Variants in AHNAK observed in about 807,000 individuals in gnomAD.
The protein encoded by AHNAK is AHNAK nucleoprotein, also known as neuroblast differentiation-associated protein AHNAK.
Under a neutral mutation model 37.8 loss-of-function variants are expected in AHNAK, and 23 were observed. That is an observed-to-expected ratio of 0.61 (90% CI 0.44 to 0.86). AHNAK has a LOEUF of 0.86. Ranked by LOEUF, AHNAK falls within the 40% of genes least tolerant of loss-of-function variation. AHNAK has a pLI of 0.00. For synonymous variants in AHNAK, 2,481 were observed against 2,636.3 expected, an observed-to-expected ratio of 0.94 and a Z score of 1.80; for missense variants, 7,411 against 7,319.4, an observed-to-expected ratio of 1.01 and a Z score of -0.46.
intron 5 of AHNAK, among the ~76,000 whole-genome samples, chr11:62,472,210 C>T (rs1358857915): frequency 6.6e-6 from 1 of 152,092 alleles, no homozygotes; most frequent in Non-Finnish European, 1.5e-5. Context: ...TGGGCCCAGC[C>T]CCGGCCTCCA....
At chr11:62,436,938 CA>C (rs35477247) in intron 5 of AHNAK, among the ~76,000 whole-genome samples, 68,417 of 144,338 alleles carry the variant, frequency 0.47, 16,341 homozygotes, top group East Asian at 0.66. Flanking sequence ...GACTCTGTCT[CA>C]AAAAAAAAAA....
Position 62,519,033 on chromosome 11 carries a change from C to T in AHNAK, c.15384G>A (p.Ala5128=), listed in dbSNP as rs754304710. The T allele has an allele frequency of 1.4e-5, 23 of 1,613,008 alleles. No homozygotes were observed. The highest frequency in any genetic ancestry group is 2.7e-5 in the African/African-American group (2 of 74,870). ...QAPDLELSLP[A]IHVEGLDIKA... ...TGATGTCAAGACCTTCGACGTGAAT[C>T]GCTGGCAAAGAAAGTTCCAGATCAG... Residue 5128 remains alanine, a synonymous_variant, in exon 5 of 5, where the codon GCG becomes GCA. Transcript: ENST00000378024.
rs193200483 is a variant in AHNAK, at chr11:62,484,257, C to T, written c.442+7475G>A. On this transcript the variant is annotated intron_variant, in intron 5 of 5. Transcript: ENST00000257247. ...ATTAGCTGGGCATGGTAGCACACAC[C>T]GGTAGGTAGTCTTAGCTACTCTGGA... Among the ~76,000 whole-genome samples the T allele has an allele frequency of 2.7e-5, 4 of 150,388 alleles. 1 individual carries two copies. Among genetic ancestry groups the T allele is most frequent in the East Asian group, 4.0e-4 (2 of 5,032 alleles).
Position 62,524,549 on chromosome 11 carries a change from T to C in AHNAK, c.9868A>G (p.Met3290Val). ...ATTTCTGGCATGGAGATCTTGGGCA[T>C]GTTTACATGCATGTCAGGCATCTTC... ...KLKMPDMHVN[M>V]PKISMPEIDL... The change falls in exon 5 of 5, where the codon ATG becomes GTG. Residue 3290 changes from methionine to valine, a missense_variant. Met to Val is a conservative substitution (Grantham distance 21). Transcript: ENST00000378024. 6.2e-7 allele frequency: 1 copy of C among 1,613,980 alleles called. No individual in the cohort carries two copies. Among genetic ancestry groups the C allele is most frequent in the Non-Finnish European group, 8.5e-7 (1 of 1,179,976 alleles).
chr11:62,491,724 T>C (rs765006496), intron 5 of AHNAK: 2 of 1,604,714 alleles, frequency 1.2e-6, no homozygotes, highest in African/African-American at 2.7e-5. Flanking sequence ...CCCCATCACT[T>C]CTCTCACCTG....
intron 5 of AHNAK, among the ~76,000 whole-genome samples, chr11:62,446,887 A>C (rs1375768145): frequency 6.6e-6 from 1 of 151,906 alleles, no homozygotes; most frequent in Non-Finnish European, 1.5e-5. Flanking sequence ...CCCCAAACTG[A>C]AAAGATCTCC....
downstream of AHNAK, among the ~76,000 whole-genome samples, chr11:62,513,457 C>G (rs571592343): frequency 3.0e-4 from 45 of 152,232 alleles, no homozygotes; most frequent in African/African-American, 1.0e-3. Context: ...ATCTCTTGAA[C>G]CCGGGAGGCG....
rs142057305 is a variant in AHNAK, at chr11:62,442,737, C to T, written c.443-8846G>A. Among the ~76,000 whole-genome samples the T allele has an allele frequency of 7.9e-4, 118 of 149,796 alleles. 2 individuals carry two copies. Among genetic ancestry groups the T allele is most frequent in the African/African-American group, 2.8e-3 (113 of 40,744 alleles). On this transcript the variant is annotated intron_variant, in intron 5 of 5. Coordinates refer to the AHNAK transcript ENST00000257247. The stretch of plus-strand genomic sequence containing the variant: ...ATACAAAATTAACCGGGTGTGGTGG[C>T]GCACACCTGTAGTCCCAGCTACTTG...
At position 62,526,512 on chromosome 11, in the gene AHNAK, G is replaced by C; in HGVS notation, c.7905C>G (p.His2635Gln). Residue 2635 changes from histidine to glutamine, a missense_variant, in exon 5 of 5, where the codon CAC (histidine) becomes CAG (glutamine). Coordinates refer to ENST00000378024, the MANE Select transcript of AHNAK (RefSeq NM_001620.3). Reference sequence around the variant, plus strand: ...GCATTTTCACCTTGGGCATCTTCAGGTGCCAGTCTGGGCCTTGAACACCCA... The same window carrying C: ...GCATTTTCACCTTGGGCATCTTCAGCTGCCAGTCTGGGCCTTGAACACCCA... ...PDVGVQGPDW[H>Q]LKMPKVKMPK... 6.2e-7 allele frequency: 1 copy of C among 1,612,798 alleles called. No homozygotes were observed. Among genetic ancestry groups the C allele is most frequent in the Non-Finnish European group, 8.5e-7 (1 of 1,179,762 alleles).
rs763110924 is a variant in AHNAK, at chr11:62,526,056, G to C, written c.8361C>G (p.Asp2787Glu). Reference protein sequence around the residue: ...PGFKGEGPDVDVNLPKADIDV... With the variant: ...PGFKGEGPDVEVNLPKADIDV... ...CAATGTCAGCCTTGGGCAGGTTCAC[G>C]TCCACATCTGGACCTTCTCCTTTGA... Residue 2787 changes from aspartate (D) to glutamate (E), a missense_variant, in exon 5 of 5, where the codon GAC (aspartate) becomes GAG (glutamate). By Grantham distance (45) the Asp-to-Glu change is conservative (BLOSUM62 2). Transcript: ENST00000378024. 7.5e-6 allele frequency: 12 copies of C among 1,599,174 alleles called. No individual in the cohort carries two copies. The highest frequency in any genetic ancestry group is 3.4e-4 in the Middle Eastern group (2 of 5,936).
rs1940116277 is a variant in AHNAK, at chr11:62,518,703, C to A, written c.15714G>T (p.Met5238Ile). 1 of 1,614,006 alleles carries A rather than the reference C, an allele frequency of 6.2e-7. No homozygotes were observed. Reference sequence around the variant, plus strand: ...TCACACCTGGGATGCCGATCTTGGGCATGGAAAACTTGGGGAACTTAATTT... The same window carrying A: ...TCACACCTGGGATGCCGATCTTGGGAATGGAAAACTTGGGGAACTTAATTT... ...EAKIKFPKFS[M>I]PKIGIPGVKM... Residue 5238 changes from methionine (M) to isoleucine (I), a missense_variant, in exon 5 of 5, where the codon ATG becomes ATT. Transcript: ENST00000378024.
intron 5 of AHNAK, among the ~76,000 whole-genome samples, chr11:62,435,150 A>G (rs1346106464): frequency 3.3e-5 from 5 of 152,094 alleles, no homozygotes; most frequent in Admixed American, 6.6e-5. Context: ...CTCTGTGACT[A>G]AATCCTACCC....
chr11:62,505,467 G>A (rs1489573178), intron 4 of AHNAK, among the ~76,000 whole-genome samples: 1 of 151,986 alleles, frequency 6.6e-6, no homozygotes, highest in Non-Finnish European at 1.5e-5. Context: ...GTTTCTGGTT[G>A]GAGCAAGGGA....
chr11:62,498,467 G>A (rs976779116), intron 4 of AHNAK, among the ~76,000 whole-genome samples: 2 of 147,344 alleles, frequency 1.4e-5, no homozygotes, highest in African/African-American at 5.0e-5. Flanking sequence ...ATTAAAAATT[G>A]AATCTTTGGG....
intron 5 of AHNAK, among the ~76,000 whole-genome samples, chr11:62,469,448 C>T (rs185044345): frequency 2.7e-5 from 4 of 150,762 alleles, no homozygotes; most frequent in Admixed American, 2.6e-4. Flanking sequence ...ACTAACTAAA[C>T]ATGTTGTAAT....
At chr11:62,463,558 C>G (rs60479315) in intron 5 of AHNAK, among the ~76,000 whole-genome samples, 17,633 of 152,056 alleles carry the variant, frequency 0.12, 1,682 homozygotes, top group African/African-American at 0.26. Flanking sequence ...TGATCAAGAG[C>G]TAGCTCATCT....
intron 5 of AHNAK, among the ~76,000 whole-genome samples, chr11:62,480,529 C>T (rs1311433871): frequency 2.6e-5 from 4 of 151,852 alleles, no homozygotes; most frequent in Admixed American, 6.6e-5. Flanking sequence ...GGCACGGTGG[C>T]GGGTGCCTGT....
chr11:62,511,623 AT>A (rs1939915388), downstream of AHNAK, among the ~76,000 whole-genome samples: 1 of 152,216 alleles, frequency 6.6e-6, no homozygotes, highest in Non-Finnish European at 1.5e-5. Context: ...CAGAATTGCC[AT>A]TGGGACATAT....
At chr11:62,459,253 A>G (rs1938735079) in intron 5 of AHNAK, among the ~76,000 whole-genome samples, 1 of 152,210 alleles carries the variant, frequency 6.6e-6, no homozygotes, top group Non-Finnish European at 1.5e-5. Flanking sequence ...CTTCACATGA[A>G]AAAATCAAAT....
Sources: allele counts gnomAD v4.1 joint callset (sites outside exome capture counted in the v4.1 genomes callset), GRCh38; gene constraint gnomAD v4.1.1; transcripts MANE v1.5; gene names NCBI Gene and HGNC (gene_info 2026-07-23, HGNC 2026-07-21).